Variants in IFT20 observed in about 807,000 individuals in gnomAD.
IFT20 encodes intraflagellar transport protein 20 homolog.
Under a neutral mutation model 16.9 loss-of-function variants are expected in IFT20, and 4 were observed. The ratio of observed to expected loss-of-function variants is 0.24; its 90% CI spans 0.12 to 0.54. The LOEUF is 0.54. IFT20 is among the 20% of genes least tolerant of loss of function. The pLI, the probability that IFT20 is intolerant of heterozygous loss-of-function variation, is 0.95. For missense variants in IFT20, 154 were observed against 149.7 expected, an observed-to-expected ratio of 1.03 and a Z score of -0.15; for synonymous variants, 48 against 49.9, an observed-to-expected ratio of 0.96 and a Z score of 0.16.
rs548101265 is a variant in IFT20 at position 28,328,570 on chromosome 17, G to A, written c.*82C>T. ...TGTGACATAGGTCATTGGTCAAGCC[G>A]CTGGAATGCTACAGAGGTTTTTTTG... On this transcript the variant is annotated 3_prime_UTR_variant, in exon 5 of 5. Transcript: ENST00000395418. 1.5e-4 allele frequency: 126 copies of A among 837,118 alleles called. No homozygotes were observed. The highest frequency in any genetic ancestry group is 1.6e-4 in the Non-Finnish European group (81 of 514,338). 51.9% of individuals were successfully genotyped at this position (837,118 alleles called of 1,614,324 possible). A position where few individuals can be genotyped will look rare whatever the true frequency, so the allele number is the denominator to read the frequency against.
Position 28,328,472 on chromosome 17 carries a change from C to T in IFT20, c.*180G>A, listed in dbSNP as rs1906472785. On this transcript the variant is annotated 3_prime_UTR_variant, in exon 5 of 5. Transcript: ENST00000395418. ...CAGGGCCACCAGCAGCAGCTGTGCA[C>T]TGATGTTAAAACTGGCTCCCCCAGA... is the stretch of plus-strand genomic sequence containing the variant. 3 of 618,400 alleles carry T rather than the reference C, an allele frequency of 4.9e-6. No individual in the cohort carries two copies. The highest frequency in any genetic ancestry group is 8.7e-6 in the Non-Finnish European group (3 of 346,518). The allele number at this position is 618,400 out of a possible 1,614,324, so 38.3% of individuals were successfully genotyped here. A position where few individuals can be genotyped will look rare whatever the true frequency, so the allele number is the denominator to read the frequency against.
At chr17:28,333,072 A>AACACACACAC (rs56753724) in intron 1 of IFT20, among the ~76,000 whole-genome samples, 19,321 of 144,396 alleles carry the variant, frequency 0.13, 1,398 homozygotes, top group East Asian at 0.26. Flanking sequence ...TCTGGCTCAA[A>AACACACACAC]ACACACACAC....
At chr17:28,329,641 C>G (rs567053812) in intron 3 of IFT20, 2 of 177,012 alleles carry the variant, frequency 1.1e-5, no homozygotes, top group African/African-American at 4.7e-5. Context: ...GAAGATGAAA[C>G]GAGGCCAGGT....
chr17:28,332,158 C>T (rs1311450049), intron 1 of IFT20, 171 bp from the exon 2 acceptor site: 2 of 1,542,984 alleles, frequency 1.3e-6, no homozygotes, highest in East Asian at 4.8e-5. Flanking sequence ...GTTTCCCATC[C>T]AGGTTCCCTA....
In IFT20 at chr17:28,328,422, GCA is replaced by G; in HGVS notation, c.*228_*229del. ...TTACAAACTGCTTAGTTCCAACTAA[GCA>G]TAAGAGGTGAGAACGTACACTGCAG... On this transcript the variant is annotated 3_prime_UTR_variant, in exon 5 of 5. Coordinates refer to ENST00000395418, the MANE Select transcript of IFT20 (RefSeq NM_001267776.2). 2.2e-6 allele frequency: 1 copy of G among 463,452 alleles called. No homozygotes were observed. Among genetic ancestry groups the G allele is most frequent in the Non-Finnish European group, 3.8e-6 (1 of 262,540 alleles). 28.7% of individuals were successfully genotyped at this position (463,452 alleles called of 1,614,324 possible).
At chr17:28,334,079 C>T (rs1906968770) in intron 1 of IFT20, among the ~76,000 whole-genome samples, 1 of 152,218 alleles carries the variant, frequency 6.6e-6, no homozygotes, top group Admixed American at 6.5e-5. Flanking sequence ...CAGAAACATC[C>T]ACTCAGTCCC....
At chr17:28,331,797 C>T in intron 2 of IFT20, 62 bp downstream of exon 2, 1 of 1,606,436 alleles carries the variant, frequency 6.2e-7, no homozygotes. Flanking sequence ...CCAAGATGAG[C>T]CTGGGGTACA....
Position 28,331,654 on chromosome 17 carries a change from G to A in IFT20, c.127+205C>T, listed in dbSNP as rs116833709. ...AAAGACACCCTCCCCTCCCCATCCC[G>A]GTGTTTGGTTTGACTGGTGCCCTGT... On this transcript the variant is annotated intron_variant, in intron 2 of 4. Transcript: ENST00000395418. 1,185 of 563,482 alleles carry A rather than the reference G, an allele frequency of 2.1e-3. 9 individuals carry two copies. Among genetic ancestry groups the A allele is most frequent in the African/African-American group, 0.021 (1,114 of 53,490 alleles). 34.9% of individuals were successfully genotyped at this position (563,482 alleles called of 1,614,324 possible). A position where few individuals can be genotyped will look rare whatever the true frequency, so the allele number is the denominator to read the frequency against.
In IFT20 at chr17:28,331,866, A is replaced by G; in HGVS notation, c.120T>C (p.Phe40=). ...TIELKEECKD[F]VDKIGQFQKI... is the part of the protein sequence containing the mutation. ...TATCTCCCCAATACTCACTGTCCAC[A>G]AAGTCTTTGCACTCTTCCTTCAGCT... The change falls in exon 2 of 5, where the codon TTT becomes TTC. Residue 40 remains phenylalanine, a synonymous_variant. Transcript: ENST00000395418. 6.2e-7 allele frequency: 1 copy of G among 1,614,216 alleles called. No individual in the cohort carries two copies. Among genetic ancestry groups the G allele is most frequent in the Middle Eastern group, 1.6e-4 (1 of 6,062 alleles).
chr17:28,331,080 C>T (rs1415815557), intron 2 of IFT20, among the ~76,000 whole-genome samples: 1 of 152,202 alleles, frequency 6.6e-6, no homozygotes, highest in Non-Finnish European at 1.5e-5. Context: ...AGGTATGACA[C>T]CAGATTTCAA....
intron 2 of IFT20, among the ~76,000 whole-genome samples, chr17:28,331,177 C>T (rs1906752157): frequency 6.6e-6 from 1 of 152,244 alleles, no homozygotes; most frequent in Non-Finnish European, 1.5e-5. Flanking sequence ...CTCACTTTCT[C>T]CAATGTCCTG....
In IFT20 at chr17:28,331,681, G is replaced by A; in HGVS notation, c.127+178C>T. 6 of 683,678 alleles carry A rather than the reference G, an allele frequency of 8.8e-6. 1 individual carries two copies. In the South Asian group the frequency reaches 1.1e-4, roughly 13 times the overall value. 42.4% of individuals were successfully genotyped at this position (683,678 alleles called of 1,614,324 possible). ...TGTTTGGTTTGACTGGTGCCCTGTT[G>A]GGGACACATGAGAGCACAAGAGGGC... On this transcript the variant is annotated intron_variant, in intron 2 of 4. Coordinates refer to ENST00000395418, the MANE Select transcript of IFT20 (RefSeq NM_001267776.2).
At chr17:28,332,296 G>T (rs1906844298) in intron 1 of IFT20, 1 of 1,283,306 alleles carries the variant, frequency 7.8e-7, no homozygotes, top group Non-Finnish European at 1.1e-6. Flanking sequence ...CATTTCTTGA[G>T]TGCCTACTAC....
intron 2 of IFT20, among the ~76,000 whole-genome samples, chr17:28,330,980 C>T (rs550473905): frequency 6.6e-6 from 1 of 152,298 alleles, no homozygotes; most frequent in African/African-American, 2.4e-5. Flanking sequence ...CCAGACAGAC[C>T]CCAACCCTGC....
intron 4 of IFT20, 191 bp from the exon 5 acceptor site, chr17:28,328,924 C>A: frequency 1.6e-6 from 1 of 625,558 alleles, no homozygotes; most frequent in South Asian, 2.1e-5. Flanking sequence ...AGTCTTCTTT[C>A]AGAGAGCCAG....
intron 3 of IFT20, chr17:28,329,589 T>C: frequency 3.9e-6 from 1 of 257,160 alleles, no homozygotes; most frequent in South Asian, 9.0e-5. Context: ...CATTTCTTCA[T>C]TTATAAAATG....
At chr17:28,331,784 G>A in intron 2 of IFT20, 75 bp downstream of exon 2, 1 of 1,585,766 alleles carries the variant, frequency 6.3e-7, no homozygotes, top group Non-Finnish European at 8.6e-7. Context: ...CACTGTGGCA[G>A]GGCCAAGATG....
Position 28,328,387 on chromosome 17 carries a change from G to A in IFT20, c.*265C>T, listed in dbSNP as rs1555575851. 2 of 350,280 alleles carry A rather than the reference G, an allele frequency of 5.7e-6. No homozygotes were observed. The highest frequency in any genetic ancestry group is 1.0e-5 in the Non-Finnish European group (2 of 194,590). The allele number at this position is 350,280 out of a possible 1,614,324, so 21.7% of individuals were successfully genotyped here. On this transcript the variant is annotated 3_prime_UTR_variant, in exon 5 of 5. Transcript: ENST00000395418. Reference sequence around the variant, plus strand: ...AAGCTTTGTGAATTTACAAAAAAAAGGATGAAAGTTTACAAACTGCTTAGT... The same window carrying A: ...AAGCTTTGTGAATTTACAAAAAAAAAGATGAAAGTTTACAAACTGCTTAGT...
In IFT20 at chr17:28,328,729, G is replaced by A. The variant is rs1479081118; in HGVS notation, c.322C>T (p.Arg108Trp). The A allele has an allele frequency of 5.7e-6, 9 of 1,588,186 alleles. No individual in the cohort carries two copies. Among genetic ancestry groups the A allele is most frequent in the African/African-American group, 1.4e-5 (1 of 73,394 alleles). Residue 108 changes from arginine to tryptophan, a missense_variant, in exon 5 of 5, where the codon CGG becomes TGG. Arg to Trp is a moderately radical substitution (Grantham distance 101, BLOSUM62 -3). Transcript: ENST00000395418. ...TTACACAAAGCTTCATATTCAACCC[G>A]ATACCTGAAAAACAAAATTGTTAGA... The part of the protein sequence containing the change: ...AEKKMQLERY[R>W]VEYEALCKVE...
Sources: allele counts gnomAD v4.1 joint callset (sites outside exome capture counted in the v4.1 genomes callset), GRCh38; gene constraint gnomAD v4.1.1; transcripts MANE v1.5; gene names NCBI Gene and HGNC (gene_info 2026-07-23, HGNC 2026-07-21).